EML5: variants seen among roughly 807,000 people sequenced by gnomAD.
The protein encoded by EML5 is EMAP like 5, also known as echinoderm microtubule-associated protein-like 5.
A neutral mutation model predicts 250.0 loss-of-function variants in EML5; 120 were observed. The observed-to-expected ratio is 0.48, with a 90% CI of 0.41 to 0.56. The LOEUF is 0.56. Ranked by LOEUF, EML5 falls within the 20% of genes least tolerant of loss-of-function variation. The pLI is 0.00. For synonymous variants in EML5, 771 were observed against 806.5 expected (o/e 0.96, Z 0.75); for missense variants, 2,006 against 2,437.6 (o/e 0.82, Z 3.73).
rs1321654635 is a variant in EML5 at position 88,614,196 on chromosome 14, T to C, written c.*1622A>G. ...TATTTTTCTTTTTATGGGCAGGTTG[T>C]TCAGGGATTTTTTTCCTCCTTTAAT... On this transcript the variant is annotated 3_prime_UTR_variant, in exon 44 of 44. Coordinates refer to ENST00000554922, the MANE Select transcript of EML5 (RefSeq NM_183387.3). 2.0e-5 allele frequency: 3 copies of C among 152,216 alleles called. No homozygotes were observed. Among genetic ancestry groups the C allele is most frequent in the Non-Finnish European group, 2.9e-5 (2 of 68,032 alleles). 9.4% of individuals were successfully genotyped at this position (152,216 alleles called of 1,614,324 possible).
In EML5 at chr14:88,690,350, A is replaced by G. The variant is rs551150502; in HGVS notation, c.2540-1877T>C. Reference sequence around the variant, plus strand: ...ATTGAGAATAGATACAAGGGAGGTCAAGGATGAAAGGAGTTAGAAGGCTAT... The same window carrying G: ...ATTGAGAATAGATACAAGGGAGGTCGAGGATGAAAGGAGTTAGAAGGCTAT... On this transcript the variant is annotated intron_variant, in intron 17 of 43. Coordinates refer to ENST00000554922, the MANE Select transcript of EML5 (RefSeq NM_183387.3). Among the ~76,000 whole-genome samples the G allele has an allele frequency of 7.9e-5, 12 of 152,360 alleles. 1 individual carries two copies. The East Asian group carries it at 1.9e-3, about 24-fold the overall frequency.
chr14:88,664,772 G>A (rs1036044962), intron 22 of EML5, 148 bp from the exon 23 acceptor site: 10 of 801,810 alleles, frequency 1.2e-5, no homozygotes, highest in Non-Finnish European at 1.7e-5. Flanking sequence ...AATAACAAAT[G>A]ATAACATTTT....
intron 25 of EML5, among the ~76,000 whole-genome samples, chr14:88,661,177 C>G (rs529397804): frequency 6.6e-6 from 1 of 152,212 alleles, no homozygotes; most frequent in Non-Finnish European, 1.5e-5. Flanking sequence ...TAGCCTCCAA[C>G]TCCTGGGCTC....
chr14:88,722,807 C>T (rs905305170), intron 8 of EML5, among the ~76,000 whole-genome samples: 19 of 152,186 alleles, frequency 1.2e-4, no homozygotes, highest in African/African-American at 4.3e-4. Context: ...TGGGTTAATA[C>T]CTAGGTGATG....
intron 17 of EML5, among the ~76,000 whole-genome samples, chr14:88,691,821 G>T (rs2092965357): frequency 6.6e-6 from 1 of 152,158 alleles, no homozygotes; most frequent in African/African-American, 2.4e-5. Context: ...AAGTAAGGAA[G>T]GTTGAAATGC....
rs766464406 is a variant in EML5, at chr14:88,665,379, G to T, written c.3235C>A (p.His1079Asn). The change falls in exon 22 of 44, where the codon CAT becomes AAT. Residue 1079 changes from histidine (H) to asparagine (N), a missense_variant. Coordinates refer to ENST00000554922, the MANE Select transcript of EML5 (RefSeq NM_183387.3). ...TCTGAAATCATATCTTTTCTGTGATGAAAAGACACAAGATCCTCTAGAGTA... is the reference window on the plus strand; with the variant it reads ...TCTGAAATCATATCTTTTCTGTGATTAAAAGACACAAGATCCTCTAGAGTA... Reference protein sequence around the residue: ...ADTLEDLVSFHHRKDMISDIR... With the variant: ...ADTLEDLVSFNHRKDMISDIR... The T allele has an allele frequency of 6.2e-7, 1 of 1,613,750 alleles. No homozygotes were observed. The highest frequency in any genetic ancestry group is 8.5e-7 in the Non-Finnish European group (1 of 1,179,792).
chr14:88,681,849 T>G, intron 21 of EML5, 41 bp downstream of exon 21: 1 of 1,549,064 alleles, frequency 6.5e-7, no homozygotes. Flanking sequence ...GTTAGAAAAC[T>G]GTGAGAGCTT....
At chr14:88,685,175 A>C (rs1415357018) in intron 19 of EML5, 33 bp from the exon 20 acceptor site, 3 of 1,568,680 alleles carry the variant, frequency 1.9e-6, no homozygotes, top group Non-Finnish European at 8.7e-7. Flanking sequence ...TCTTTTAGAC[A>C]TACAGTTACT....
chr14:88,769,059 A>G (rs1335095521), intron 1 of EML5, among the ~76,000 whole-genome samples: 1 of 152,244 alleles, frequency 6.6e-6, no homozygotes, highest in Non-Finnish European at 1.5e-5. Context: ...GATTGCATAA[A>G]GCACAGAAAT....
intron 17 of EML5, among the ~76,000 whole-genome samples, chr14:88,690,852 A>G (rs935209717): frequency 3.9e-5 from 6 of 152,336 alleles, no homozygotes; most frequent in Non-Finnish European, 7.3e-5. Context: ...GGCCTTTATT[A>G]GAGGGCAAAC....
chr14:88,678,774 A>G (rs1193813541), intron 21 of EML5, among the ~76,000 whole-genome samples: 2 of 152,212 alleles, frequency 1.3e-5, no homozygotes, highest in Non-Finnish European at 2.9e-5. Context: ...ATACTGTGAG[A>G]ATAATTCTTA....
At chr14:88,617,084 G>T in intron 41 of EML5, 1 of 449,790 alleles carries the variant, frequency 2.2e-6, no homozygotes, top group Non-Finnish European at 4.0e-6. Context: ...ATAATTTGAA[G>T]GGTTTCTAGA....
intron 2 of EML5, among the ~76,000 whole-genome samples, chr14:88,753,071 G>A (rs2094118933): frequency 6.6e-6 from 1 of 152,162 alleles, no homozygotes; most frequent in African/African-American, 2.4e-5. Context: ...ACTCTTCACT[G>A]AGTTGTTCAA....
rs1005977722 is a variant in EML5, at chr14:88,618,628, G to T, written c.5538+22C>A. On this transcript the variant is annotated intron_variant, in intron 40 of 43. Transcript: ENST00000554922. ...AAAAGCAGAAGAACTTGCCACCTGG[G>T]TATACAGTATTGGTACTGTACCTGG... 5.0e-6 allele frequency: 8 copies of T among 1,595,544 alleles called. No individual in the cohort carries two copies. The African/African-American group carries it at 1.1e-4, about 22-fold the overall frequency.
chr14:88,765,034 G>A (rs890616662), intron 1 of EML5, among the ~76,000 whole-genome samples: 9 of 152,048 alleles, frequency 5.9e-5, no homozygotes, highest in African/African-American at 1.7e-4. Flanking sequence ...CTCTAACCTA[G>A]GAATTTCACG....
chr14:88,680,790 C>A (rs1230494598), intron 21 of EML5, among the ~76,000 whole-genome samples: 2 of 151,962 alleles, frequency 1.3e-5, no homozygotes, highest in African/African-American at 2.4e-5. Context: ...TCATGGGATT[C>A]CCACACCCTC....
intron 10 of EML5, among the ~76,000 whole-genome samples, chr14:88,709,883 A>G (rs1030383564): frequency 2.0e-5 from 3 of 152,232 alleles, no homozygotes; most frequent in African/African-American, 7.2e-5. Flanking sequence ...ACAGCACTGA[A>G]TCAGTCCCCG....
intron 1 of EML5, among the ~76,000 whole-genome samples, chr14:88,785,143 T>C (rs560114218): frequency 2.6e-5 from 4 of 151,936 alleles, no homozygotes; most frequent in Non-Finnish European, 5.9e-5. Context: ...TCAAAACAAC[T>C]GAACTAATGG....
At chr14:88,627,116 T>G (rs1400775731) in intron 34 of EML5, 70 bp from the exon 35 acceptor site, 2 of 1,497,102 alleles carry the variant, frequency 1.3e-6, no homozygotes, top group African/African-American at 2.8e-5. Flanking sequence ...CAAACAAATA[T>G]GTAAAATACA....
Sources: allele counts gnomAD v4.1 joint callset (sites outside exome capture counted in the v4.1 genomes callset), GRCh38; gene constraint gnomAD v4.1.1; transcripts MANE v1.5; gene names NCBI Gene and HGNC (gene_info 2026-07-23, HGNC 2026-07-21).